The following TENM2 variants were observed in gnomAD, a reference collection of about 807,000 sequenced individuals.
TENM2 encodes teneurin-2.
TENM2 carries 52 observed loss-of-function variants against 245.2 expected under a neutral mutation model. The ratio of observed to expected loss-of-function variants is 0.21; its 90% CI spans 0.17 to 0.27. TENM2 has a LOEUF of 0.27. TENM2 is among the 10% of genes least tolerant of loss of function. TENM2 has a pLI of 1.00. For synonymous variants in TENM2, 1,363 were observed against 1,438.9 expected (o/e 0.95, Z 1.19); for missense variants, 3,046 against 3,666.8 (o/e 0.83, Z 4.37).
intron 5 of TENM2, among the ~76,000 whole-genome samples, chr5:168,033,954 G>A (rs1787371086): frequency 6.6e-6 from 1 of 151,012 alleles, no homozygotes; most frequent in Non-Finnish European, 1.5e-5. Flanking sequence ...GTGAACCTGG[G>A]AGGCAGAGCT....
In TENM2 at chr5:168,080,710, GGTT is replaced by G. The variant is rs532396832; in HGVS notation, c.1516-9860_1516-9858del. On this transcript the variant is annotated intron_variant, in intron 7 of 28. Transcript: ENST00000518659. ...TGTACCCAGTAGTCATTCAGGAGCA[GGTT>G]GTTCAGTTTCCATGTAGTTGAGCGA... 2.6e-3 allele frequency among the ~76,000 whole-genome samples: 395 copies of G among 152,242 alleles called. 1 individual carries two copies. Among genetic ancestry groups the G allele is most frequent in the Non-Finnish European group, 4.7e-3 (317 of 68,028 alleles).
chr5:167,696,084 C>T (rs1444369550), intron 2 of TENM2, among the ~76,000 whole-genome samples: 1 of 150,596 alleles, frequency 6.6e-6, no homozygotes, highest in Non-Finnish European at 1.5e-5. Context: ...GATTTACAAA[C>T]AAAAATATTA....
chr5:168,034,766 T>C (rs938179906), intron 5 of TENM2, among the ~76,000 whole-genome samples: 3 of 151,946 alleles, frequency 2.0e-5, no homozygotes, highest in African/African-American at 7.3e-5. Flanking sequence ...AGGGAGACCC[T>C]ATCTCAAAGA....
At chr5:167,272,424 C>T in the TENM2 span, among the ~76,000 whole-genome samples, 4 of 152,202 alleles carry the variant, frequency 2.6e-5, no homozygotes, top group African/African-American at 4.8e-5. Flanking sequence ...ATTCAATTAA[C>T]GTGTTATCAG....
chr5:167,548,454 T>C (rs1280556923), intron 2 of TENM2, among the ~76,000 whole-genome samples: 1 of 152,178 alleles, frequency 6.6e-6, no homozygotes, highest in East Asian at 1.9e-4. Flanking sequence ...TTCACAAAGC[T>C]AATTTTCCTC....
chr5:168,129,222 C>G lies in TENM2; in HGVS notation c.2422+2256C>G, dbSNP rs147929143. ...CAGAGAACAGCAAGGAATTGGCCAA[C>G]AAGAGAACATAGATGTTTCGGTCAA... On this transcript the variant is annotated intron_variant, in intron 12 of 28. Transcript: ENST00000518659. 2.6e-5 allele frequency: 4 copies of G among 152,186 alleles called. No individual in the cohort carries two copies. In the East Asian group the frequency reaches 7.7e-4, roughly 29 times the overall value. The allele number at this position is 152,186 out of a possible 1,614,324, so 9.4% of individuals were successfully genotyped here. A position where few individuals can be genotyped will look rare whatever the true frequency, so the allele number is the denominator to read the frequency against.
intron 1 of TENM2, among the ~76,000 whole-genome samples, chr5:167,358,160 C>T (rs915918503): frequency 6.6e-6 from 1 of 152,210 alleles, no homozygotes; most frequent in Admixed American, 6.5e-5. Context: ...CATTCCTTTA[C>T]TACAATTTGC....
At chr5:168,171,551 T>C (rs1019376840) in intron 13 of TENM2, among the ~76,000 whole-genome samples, 3 of 152,210 alleles carry the variant, frequency 2.0e-5, no homozygotes, top group South Asian at 2.1e-4. Context: ...TCCTGGTACA[T>C]GTAATTGACC....
chr5:167,480,222 C>G (rs1273652623), intron 2 of TENM2, among the ~76,000 whole-genome samples: 1 of 152,178 alleles, frequency 6.6e-6, no homozygotes, highest in African/African-American at 2.4e-5. Flanking sequence ...CCCCTCTTAA[C>G]TGACTGCTTA....
chr5:167,614,054 T>C (rs566136830), intron 2 of TENM2, among the ~76,000 whole-genome samples: 4 of 152,132 alleles, frequency 2.6e-5, no homozygotes, highest in Non-Finnish European at 5.9e-5. Context: ...CAGAGTGTTC[T>C]TGCATTCCTA....
Position 167,521,763 on chromosome 5 carries a change from G to A in TENM2, c.502+146290G>A, listed in dbSNP as rs142368989. ...ATCCAAATGTGACTTGACCACCTAA[G>A]GCTTAGAAAGGTGTAAAACTTAGCT... On this transcript the variant is annotated intron_variant, in intron 2 of 28. Coordinates refer to ENST00000518659, the Ensembl canonical transcript of TENM2. Among the ~76,000 whole-genome samples, 223 of 152,204 alleles carry A rather than the reference G, an allele frequency of 1.5e-3. 2 individuals carry two copies. Among genetic ancestry groups the A allele is most frequent in the African/African-American group, 5.0e-3 (209 of 41,548 alleles).
the TENM2 span, among the ~76,000 whole-genome samples, chr5:166,980,129 C>T: frequency 1.3e-5 from 2 of 152,318 alleles, no homozygotes; most frequent in Middle Eastern, 3.4e-3. Flanking sequence ...CACCACTACC[C>T]ATGTTGCTTG....
At chr5:167,467,092 C>G (rs917680774) in intron 2 of TENM2, among the ~76,000 whole-genome samples, 1 of 152,062 alleles carries the variant, frequency 6.6e-6, no homozygotes, top group Non-Finnish European at 1.5e-5. Context: ...GTAGTATCCC[C>G]GCTGAAATCT....
chr5:167,456,738 A>T (rs1265165601), intron 2 of TENM2, among the ~76,000 whole-genome samples: 1 of 152,198 alleles, frequency 6.6e-6, no homozygotes, highest in African/African-American at 2.4e-5. Context: ...AAAGCATCAA[A>T]TTTTAGTTTT....
chr5:167,834,059 T>G (rs2151108098), intron 2 of TENM2, among the ~76,000 whole-genome samples: 1 of 151,482 alleles, frequency 6.6e-6, no homozygotes, highest in South Asian at 2.1e-4. Flanking sequence ...AGGACCTTGC[T>G]TTTATGGAGC....
intron 2 of TENM2, among the ~76,000 whole-genome samples, chr5:167,634,710 C>G (rs555789457): frequency 6.6e-6 from 1 of 152,004 alleles, no homozygotes; most frequent in Non-Finnish European, 1.5e-5. Context: ...CATCTGAATC[C>G]CCTTAGTTCC....
chr5:167,630,918 A>G (rs1778823936), intron 2 of TENM2, among the ~76,000 whole-genome samples: 1 of 152,230 alleles, frequency 6.6e-6, no homozygotes, highest in Non-Finnish European at 1.5e-5. Context: ...CACCTAGGAA[A>G]GAGCTCCCCA....
intron 2 of TENM2, among the ~76,000 whole-genome samples, chr5:167,534,140 A>C (rs1165386585): frequency 6.6e-6 from 1 of 152,346 alleles, no homozygotes; most frequent in Non-Finnish European, 1.5e-5. Flanking sequence ...GATAAAACCC[A>C]AAACAGTTAC....
intron 2 of TENM2, among the ~76,000 whole-genome samples, chr5:167,669,723 G>A (rs1473884995): frequency 6.6e-6 from 1 of 152,128 alleles, no homozygotes; most frequent in East Asian, 1.9e-4. Context: ...ACAGACGGCA[G>A]GGTGGCAGAT....
Sources: allele counts gnomAD v4.1 joint callset (sites outside exome capture counted in the v4.1 genomes callset), GRCh38; gene constraint gnomAD v4.1.1; transcripts MANE v1.5; gene names NCBI Gene and HGNC (gene_info 2026-07-23, HGNC 2026-07-21).